Variants in STIP1 observed in about 807,000 individuals in gnomAD.
STIP1 encodes the protein stress-induced-phosphoprotein 1.
A neutral mutation model predicts 77.4 loss-of-function variants in STIP1; 16 were observed. The observed-to-expected ratio is 0.21, with a 90% CI of 0.14 to 0.31. STIP1 has a LOEUF of 0.31. Among genes scored for constraint, STIP1 ranks in the 10% least tolerant of loss-of-function variants. STIP1 has a pLI of 1.00. For missense variants in STIP1, 524 were observed against 684.8 expected, an observed-to-expected ratio of 0.77 and a Z score of 2.62; for synonymous variants, 258 against 246.6, an observed-to-expected ratio of 1.05 and a Z score of -0.44.
chr11:64,202,859 C>G lies in STIP1; in HGVS notation c.1246-17C>G. The G allele has an allele frequency of 1.2e-6, 2 of 1,614,196 alleles. No individual in the cohort carries two copies. The highest frequency in any genetic ancestry group is 8.5e-7 in the Non-Finnish European group (1 of 1,180,032). ...CCAAGGGAATGAGCCTAATTTCTTTCTGTTGCTTCATTCTAGGACTGTGAG... is the reference window on the plus strand; with the variant it reads ...CCAAGGGAATGAGCCTAATTTCTTTGTGTTGCTTCATTCTAGGACTGTGAG... On this transcript the variant is annotated splice_polypyrimidine_tract_variant and intron_variant, in intron 10 of 13. Coordinates refer to ENST00000305218, the MANE Select transcript of STIP1 (RefSeq NM_006819.3).
At chr11:64,198,699 T>C (rs1946178369) in intron 8 of STIP1, among the ~76,000 whole-genome samples, 1 of 151,776 alleles carries the variant, frequency 6.6e-6, no homozygotes, top group Admixed American at 6.6e-5. Flanking sequence ...TGATTCTTTC[T>C]CTGTCATTTA....
chr11:64,198,552 G>A (rs765942011), intron 8 of STIP1, among the ~76,000 whole-genome samples: 4 of 152,054 alleles, frequency 2.6e-5, no homozygotes, highest in Non-Finnish European at 5.9e-5. Context: ...TCACTGTGTT[G>A]CCCAGGTTGG....
At chr11:64,191,990 G>T (rs971688634) in intron 1 of STIP1, among the ~76,000 whole-genome samples, 1 of 151,822 alleles carries the variant, frequency 6.6e-6, no homozygotes, top group Non-Finnish European at 1.5e-5. Context: ...TCGGTGGGGC[G>T]GCCAGGCAGA....
chr11:64,191,117 G>A (rs1565278353), intron 1 of STIP1, among the ~76,000 whole-genome samples: 1 of 151,340 alleles, frequency 6.6e-6, no homozygotes, highest in Admixed American at 6.6e-5. Flanking sequence ...AACCTGGGAG[G>A]CAGAGGTTGT....
intron 2 of STIP1, among the ~76,000 whole-genome samples, 184 bp from the exon 3 acceptor site, chr11:64,194,005 A>G (rs757338163): frequency 4.6e-5 from 7 of 152,204 alleles, no homozygotes; most frequent in Non-Finnish European, 7.3e-5. Flanking sequence ...TGCCTCTGCT[A>G]TTTGGATGGA....
chr11:64,203,929 C>T (rs878992877), intron 13 of STIP1, 125 bp from the exon 14 acceptor site: 102 of 1,181,524 alleles, frequency 8.6e-5, no homozygotes, highest in South Asian at 4.4e-4. Flanking sequence ...CTCGGCGCCC[C>T]GGGCCTCGCC....
intron 1 of STIP1, among the ~76,000 whole-genome samples, chr11:64,191,187 CAAAA>C (rs756671182): frequency 2.7e-5 from 2 of 73,458 alleles, no homozygotes; most frequent in Non-Finnish European, 2.6e-5. Context: ...AACTCTGTCT[CAAAA>C]AAAAAAAAAA....
At chr11:64,192,229 G>T (rs1159211332) in intron 1 of STIP1, among the ~76,000 whole-genome samples, 2 of 152,246 alleles carry the variant, frequency 1.3e-5, no homozygotes, top group Middle Eastern at 6.8e-3. Flanking sequence ...CAGGAGAATC[G>T]CTTGAACCTG....
At chr11:64,202,757 T>C in intron 10 of STIP1, 119 bp from the exon 11 acceptor site, 1 of 990,912 alleles carries the variant, frequency 1.0e-6, no homozygotes, top group Non-Finnish European at 1.6e-6. Flanking sequence ...TTTCCTGATG[T>C]TGTCCCCTCT....
intron 1 of STIP1, among the ~76,000 whole-genome samples, chr11:64,186,776 C>G (rs984943356): frequency 2.0e-5 from 3 of 152,122 alleles, no homozygotes; most frequent in Non-Finnish European, 4.4e-5. Context: ...TGGGAGTAGC[C>G]GAGGATCTTA....
At position 64,195,769 on chromosome 11, in the gene STIP1, A is replaced by C; in HGVS notation, c.628A>C (p.Lys210Gln). The change falls in exon 5 of 14, where the codon AAG becomes CAG. Residue 210 changes from lysine (K) to glutamine (Q), a missense_variant. Physicochemically the swap from Lys to Gln is moderately conservative, Grantham distance 53. Coordinates refer to ENST00000305218, the MANE Select transcript of STIP1 (RefSeq NM_006819.3). ...ACCACCCCCTCCCAAAAAGGAGACCAAGCCAGAGCCAATGGAAGAAGATCT... is the reference window on the plus strand; with the variant it reads ...ACCACCCCCTCCCAAAAAGGAGACCCAGCCAGAGCCAATGGAAGAAGATCT... ...PPPPPPKKETKPEPMEEDLPE... is the reference protein window; with the variant it reads ...PPPPPPKKETQPEPMEEDLPE... The C allele has an allele frequency of 6.2e-7, 1 of 1,614,170 alleles. No homozygotes were observed. Among genetic ancestry groups the C allele is most frequent in the Non-Finnish European group, 8.5e-7 (1 of 1,180,018 alleles).
chr11:64,190,674 T>C (rs1946082585), intron 1 of STIP1, among the ~76,000 whole-genome samples: 1 of 152,198 alleles, frequency 6.6e-6, no homozygotes. Flanking sequence ...AATGAGTTAG[T>C]AACTTCGGTG....
chr11:64,201,240 A>G (rs1946216990), intron 10 of STIP1, among the ~76,000 whole-genome samples: 1 of 151,960 alleles, frequency 6.6e-6, no homozygotes, highest in African/African-American at 2.4e-5. Flanking sequence ...GGGTTTCACC[A>G]TGTTTTCCCA....
At chr11:64,186,590 C>T (rs915189362) in intron 1 of STIP1, 9 of 69,086 alleles carry the variant, frequency 1.3e-4, no homozygotes, top group Non-Finnish European at 2.2e-4. Context: ...GGGGCGGCTG[C>T]GGGCCATGTT....
rs3839959 is a variant in STIP1, at chr11:64,204,408, GT to G, written c.*292del. On this transcript the variant is annotated 3_prime_UTR_variant, in exon 14 of 14. Coordinates refer to ENST00000305218, the MANE Select transcript of STIP1 (RefSeq NM_006819.3). ...TGTCTCGGCTGCTCTCCCATAGTTG[GT>G]TTTTTTTTTATTTGGGGCAGTGGGC... The G allele has an allele frequency of 2.5e-3, 1,009 of 397,004 alleles. No individual in the cohort carries two copies. Among genetic ancestry groups the G allele is most frequent in the South Asian group, 3.5e-3 (70 of 19,826 alleles). 24.6% of individuals were successfully genotyped at this position (397,004 alleles called of 1,614,324 possible).
intron 12 of STIP1, 50 bp from the exon 13 acceptor site, chr11:64,203,400 T>C (rs1274682191): frequency 6.2e-7 from 1 of 1,608,664 alleles, no homozygotes; most frequent in Admixed American, 1.7e-5. Context: ...GCTGAAGCAG[T>C]GAGCTGGGTG....
Position 64,203,533 on chromosome 11 carries a change from G to T in STIP1, c.1470G>T (p.Met490Ile), listed in dbSNP as rs1946245244. The T allele has an allele frequency of 6.2e-7, 1 of 1,614,090 alleles. No individual in the cohort carries two copies. Among genetic ancestry groups the T allele is most frequent in the Admixed American group, 1.7e-5 (1 of 60,004 alleles). ...DSPEDVKRRA[M>I]ADPEVQQIMS... Reference sequence around the variant, plus strand: ...CCGAAGATGTGAAGCGACGAGCCATGGCCGACCCTGAGGTGCAGCAGATCA... The same window carrying T: ...CCGAAGATGTGAAGCGACGAGCCATTGCCGACCCTGAGGTGCAGCAGATCA... The change falls in exon 13 of 14, where the codon ATG (methionine) becomes ATT (isoleucine). Residue 490 changes from methionine to isoleucine, a missense_variant. By Grantham distance (10) the Met-to-Ile change is conservative. Transcript: ENST00000305218.
In STIP1 at chr11:64,194,577, G is replaced by A. The variant is rs1271824183; in HGVS notation, c.460G>A (p.Glu154Lys). 3 of 1,614,050 alleles carry A rather than the reference G, an allele frequency of 1.9e-6. No individual in the cohort carries two copies. In the African/African-American group the frequency reaches 4.0e-5, roughly 22 times the overall value. Reference protein sequence around the residue: ...RTLLSDPTYRELIEQLRNKPS... With the variant: ...RTLLSDPTYRKLIEQLRNKPS... ...ACTACTCAGTGATCCTACCTACCGGGAGCTGATAGAGCAGCTACGAAACAA... is the reference window on the plus strand; with the variant it reads ...ACTACTCAGTGATCCTACCTACCGGAAGCTGATAGAGCAGCTACGAAACAA... Residue 154 changes from glutamate (E) to lysine (K), a missense_variant, in exon 4 of 14, where the codon GAG becomes AAG. Glu to Lys is a moderately conservative substitution (Grantham distance 56). Coordinates refer to ENST00000305218, the MANE Select transcript of STIP1 (RefSeq NM_006819.3).
chr11:64,198,464 A>G (rs1420040381), intron 8 of STIP1, among the ~76,000 whole-genome samples: 2 of 150,738 alleles, frequency 1.3e-5, no homozygotes, highest in Non-Finnish European at 3.0e-5. Flanking sequence ...ACCCACCTCA[A>G]CCTCCCAAAG....
Sources: gnomAD v4.1 joint callset for allele counts (sites outside exome capture counted in the v4.1 genomes callset) on GRCh38, gnomAD v4.1.1 for gene constraint, MANE v1.5 for transcripts, NCBI Gene and HGNC (gene_info 2026-07-23, HGNC 2026-07-21) for gene names.